The following AMPD3 variants were observed in gnomAD, a reference collection of about 807,000 sequenced individuals.
AMPD3 encodes AMP deaminase 3.
Under a neutral mutation model 82.3 loss-of-function variants are expected in AMPD3, and 57 were observed. The observed-to-expected ratio is 0.69, with a 90% CI of 0.56 to 0.86. AMPD3 has a LOEUF of 0.86. Ranked by LOEUF, AMPD3 falls within the 40% of genes least tolerant of loss-of-function variation. The pLI, the probability that AMPD3 is intolerant of heterozygous loss-of-function variation, is 0.00. For missense variants in AMPD3, 870 were observed against 1,003.8 expected (o/e 0.87, Z 1.80); for synonymous variants, 381 against 394.7 (o/e 0.97, Z 0.41).
At chr11:10,455,797 T>G in intron 1 of AMPD3, 1 of 498,052 alleles carries the variant, frequency 2.0e-6, no homozygotes, top group Non-Finnish European at 2.6e-6. Context: ...CCCTGGCAGT[T>G]ATGGGGTGCC....
chr11:10,497,836 A>G, intron 10 of AMPD3: 1 of 985,312 alleles, frequency 1.0e-6, no homozygotes, highest in Non-Finnish European at 1.2e-6. Context: ...GTCAGACGCC[A>G]CAACGTGATC....
chr11:10,461,312 C>T, intron 1 of AMPD3: 2 of 1,564,198 alleles, frequency 1.3e-6, no homozygotes, highest in Non-Finnish European at 1.7e-6. Context: ...TCTCCTGACA[C>T]CTAAGTGGCC....
At chr11:10,495,152 A>G (rs1849356534) in intron 8 of AMPD3, 122 bp downstream of exon 8, 1 of 1,601,684 alleles carries the variant, frequency 6.2e-7, no homozygotes, top group African/African-American at 1.3e-5. Context: ...CAGCTCAGGG[A>G]AGGGTGAGGT....
intron 2 of AMPD3, among the ~76,000 whole-genome samples, chr11:10,463,090 G>C (rs1439811914): frequency 6.6e-6 from 1 of 152,064 alleles, no homozygotes; most frequent in Non-Finnish European, 1.5e-5. Flanking sequence ...CTGCCTGCCC[G>C]GTACCCTGCA....
At chr11:10,492,876 G>A (rs999308446) in intron 6 of AMPD3, among the ~76,000 whole-genome samples, 1 of 152,184 alleles carries the variant, frequency 6.6e-6, no homozygotes, top group South Asian at 2.1e-4. Flanking sequence ...GGAGAGAAAG[G>A]AGGGCATTCC....
intron 2 of AMPD3, among the ~76,000 whole-genome samples, chr11:10,469,272 G>C (rs1340077642): frequency 6.6e-6 from 1 of 151,742 alleles, no homozygotes; most frequent in Non-Finnish European, 1.5e-5. Context: ...GAGAAAAAGA[G>C]AGAAGAATCA....
At chr11:10,460,361 A>T (rs1047045498) in intron 1 of AMPD3, among the ~76,000 whole-genome samples, 1 of 150,726 alleles carries the variant, frequency 6.6e-6, no homozygotes, top group African/African-American at 2.4e-5. Context: ...GACCTCCCAA[A>T]GTGCTGGTAT....
chr11:10,505,868 C>A lies in AMPD3; in HGVS notation c.2288C>A (p.Thr763Asn), dbSNP rs1473071210. 6.2e-7 allele frequency: 1 copy of A among 1,614,188 alleles called. No homozygotes were observed. ...LSDAMKSEEI[T>N]ALTN Reference sequence around the variant, plus strand: ...GATGCTATGAAATCAGAAGAGATCACCGCCTTGACCAACTAGGTCCAGCAT... The same window carrying A: ...GATGCTATGAAATCAGAAGAGATCAACGCCTTGACCAACTAGGTCCAGCAT... Residue 763 changes from threonine to asparagine, a missense_variant, in exon 15 of 15, where the codon ACC (threonine) becomes AAC (asparagine). Transcript: ENST00000396553.
At position 10,494,894 on chromosome 11, in the gene AMPD3, C is replaced by A. The variant is rs202231572; in HGVS notation, c.1135-5C>A. 2.4e-4 allele frequency: 387 copies of A among 1,613,840 alleles called. 3 individuals carry two copies. Among genetic ancestry groups the A allele is most frequent in the Middle Eastern group, 3.4e-4 (2 of 5,966 alleles). On this transcript the variant is annotated splice_region_variant and splice_polypyrimidine_tract_variant and intron_variant, in intron 7 of 14. Coordinates refer to ENST00000396553, the MANE Select transcript of AMPD3 (RefSeq NM_001025389.2). Reference sequence around the variant, plus strand: ...TGCGTTGATTGGTGTGGTCTCCCCCCTCAGGGCCGGCAGACATTCCACCGC... The same window carrying A: ...TGCGTTGATTGGTGTGGTCTCCCCCATCAGGGCCGGCAGACATTCCACCGC...
At chr11:10,461,866 T>C (rs1848281072) in intron 2 of AMPD3, 126 bp downstream of exon 2, 1 of 883,754 alleles carries the variant, frequency 1.1e-6, no homozygotes, top group Non-Finnish European at 1.8e-6. Context: ...GTTGGTTCCT[T>C]AACCAAGACC....
At chr11:10,463,872 C>T (rs1017416398) in intron 2 of AMPD3, among the ~76,000 whole-genome samples, 1 of 152,184 alleles carries the variant, frequency 6.6e-6, no homozygotes, top group African/African-American at 2.4e-5. Context: ...GGACTGGATC[C>T]ATTGTGGAAC....
At chr11:10,496,528 C>G in intron 9 of AMPD3, 1 of 985,428 alleles carries the variant, frequency 1.0e-6, no homozygotes, top group Non-Finnish European at 1.2e-6. Flanking sequence ...ATATCTCAGT[C>G]TCTTGGTCAG....
At chr11:10,490,648 A>C in intron 6 of AMPD3, 1 of 985,318 alleles carries the variant, frequency 1.0e-6, no homozygotes, top group Non-Finnish European at 1.2e-6. Context: ...TGCTTCCTGG[A>C]TTGTCCAGTT....
upstream of AMPD3, chr11:10,450,634 A>AGGC: frequency 1.0e-6 from 1 of 997,818 alleles, no homozygotes; most frequent in Non-Finnish European, 1.2e-6. Context: ...GGAGCCCAGG[A>AGGC]GGCGGCGGGT....
chr11:10,500,961 A>G, intron 11 of AMPD3: 1 of 985,314 alleles, frequency 1.0e-6, no homozygotes, highest in Non-Finnish European at 1.2e-6. Context: ...GAGGTTTCGA[A>G]TGGGGTCCTG....
chr11:10,485,063 C>A, intron 5 of AMPD3, 24 bp downstream of exon 5: 1 of 1,597,914 alleles, frequency 6.3e-7, no homozygotes, highest in East Asian at 2.3e-5. Context: ...TCCGCGGCTG[C>A]CTGTCTTTGC....
chr11:10,502,968 C>T (rs1849621056), intron 13 of AMPD3, 74 bp downstream of exon 13: 13 of 1,542,974 alleles, frequency 8.4e-6, no homozygotes, highest in African/African-American at 1.4e-5. Context: ...TTTCAGGAAC[C>T]TGAGCCCATG....
At chr11:10,491,777 G>A (rs894532568) in intron 6 of AMPD3, among the ~76,000 whole-genome samples, 5 of 152,216 alleles carry the variant, frequency 3.3e-5, no homozygotes, top group Admixed American at 3.3e-4. Context: ...AGAAAATCAG[G>A]TTTGGGCTGG....
chr11:10,482,691 ATATTATT>A (rs1228893667), intron 4 of AMPD3, among the ~76,000 whole-genome samples: 1 of 13,856 alleles, frequency 7.2e-5, no homozygotes, highest in African/African-American at 3.6e-4. Context: ...AAAAAAATAT[ATATTATT>A]ATGTTTTGTA....
Sources: allele counts gnomAD v4.1 joint callset (sites outside exome capture counted in the v4.1 genomes callset), GRCh38; gene constraint gnomAD v4.1.1; transcripts MANE v1.5; gene names NCBI Gene and HGNC (gene_info 2026-07-23, HGNC 2026-07-21).